Variants in ADGB observed in about 807,000 individuals in gnomAD.
ADGB encodes calpain-7-like protein.
Under a neutral mutation model 210.5 loss-of-function variants are expected in ADGB, and 172 were observed. The observed-to-expected ratio is 0.82, with a 90% CI of 0.72 to 0.93. The LOEUF is 0.93. Among genes scored for constraint, ADGB ranks in the 40% least tolerant of loss-of-function variants. The pLI, the probability that ADGB is intolerant of heterozygous loss-of-function variation, is 0.00. For missense variants in ADGB, 2,025 were observed against 1,964.8 expected, an observed-to-expected ratio of 1.03 and a Z score of -0.58; for synonymous variants, 658 against 662.7, an observed-to-expected ratio of 0.99 and a Z score of 0.11.
intron 26 of ADGB, among the ~76,000 whole-genome samples, chr6:146,747,147 C>A (rs144569548): frequency 1.3e-5 from 2 of 152,054 alleles, no homozygotes; most frequent in Admixed American, 6.5e-5. Flanking sequence ...TAGGACCTAA[C>A]ACAGTGCCTG....
At chr6:146,685,607 C>A (rs889959077) in intron 9 of ADGB, 127 bp from the exon 10 acceptor site, 15 of 466,110 alleles carry the variant, frequency 3.2e-5, no homozygotes, top group Non-Finnish European at 5.3e-5. Context: ...ATTCATTTTG[C>A]ATCCTTTATG....
chr6:146,672,892 A>G (rs1020528163), intron 8 of ADGB, among the ~76,000 whole-genome samples: 1 of 151,720 alleles, frequency 6.6e-6, no homozygotes, highest in Non-Finnish European at 1.5e-5. Context: ...CACCACGCCC[A>G]GCTAATTTTT....
intron 1 of ADGB, among the ~76,000 whole-genome samples, chr6:146,612,737 T>TA (rs765866195): frequency 2.3e-4 from 35 of 151,976 alleles, no homozygotes; most frequent in Non-Finnish European, 3.7e-4. Flanking sequence ...CTGCTCTTTT[T>TA]AAAAAAAGAA....
At chr6:146,638,730 T>A (rs1775464262) in intron 2 of ADGB, 1 of 150,180 alleles carries the variant, frequency 6.7e-6, no homozygotes, top group South Asian at 2.1e-4. Context: ...ATTGTGCACA[T>A]GTACCCTAAA....
intron 1 of ADGB, among the ~76,000 whole-genome samples, chr6:146,628,172 A>ATT (rs147962586): frequency 6.6e-6 from 1 of 151,862 alleles, no homozygotes; most frequent in African/African-American, 2.4e-5. Context: ...TTTGGATAGA[A>ATT]TTTTTTTATT....
rs903165304 is a variant in ADGB, at chr6:146,649,262, C to T, written c.330+4397C>T. The stretch of plus-strand genomic sequence containing the variant: ...ATACGTGGGCATTTTGCTGATAACT[C>T]AGAAGATTTATCCATTTTTATTGAA... On this transcript the variant is annotated intron_variant, in intron 3 of 35. Coordinates refer to ENST00000397944, the MANE Select transcript of ADGB (RefSeq NM_024694.4). Among the ~76,000 whole-genome samples the T allele has an allele frequency of 6.0e-5, 9 of 150,162 alleles. No homozygotes were observed. In the South Asian group the frequency reaches 1.9e-3, roughly 31 times the overall value.
chr6:146,635,332 A>T (rs1178650645), intron 1 of ADGB, 43 bp from the exon 2 acceptor site: 3 of 1,353,220 alleles, frequency 2.2e-6, no homozygotes, highest in Non-Finnish European at 2.9e-6. Flanking sequence ...GATCTCAGAG[A>T]TTTTAATTAA....
chr6:146,694,906 A>G (rs934891382), intron 12 of ADGB, among the ~76,000 whole-genome samples: 1 of 152,194 alleles, frequency 6.6e-6, no homozygotes, highest in Non-Finnish European at 1.5e-5. Flanking sequence ...ATACTGCAAT[A>G]TAATAGAAAT....
In ADGB at chr6:146,721,237, G is replaced by A. The variant is rs140963984; in HGVS notation, c.1993-166G>A. The stretch of plus-strand genomic sequence containing the variant: ...ACAGACGGTTGCCAACATTCACCCA[G>A]TATAGTTTTCTTCATATAATTAGAT... On this transcript the variant is annotated intron_variant, in intron 16 of 35. Coordinates refer to ENST00000397944, the MANE Select transcript of ADGB (RefSeq NM_024694.4). Among the ~76,000 whole-genome samples, 740 of 152,260 alleles carry A rather than the reference G, an allele frequency of 4.9e-3. 7 individuals are homozygous for A. Among genetic ancestry groups the A allele is most frequent in the African/African-American group, 0.017 (710 of 41,550 alleles).
At chr6:146,646,114 T>A (rs1775607197) in intron 3 of ADGB, among the ~76,000 whole-genome samples, 1 of 152,118 alleles carries the variant, frequency 6.6e-6, no homozygotes, top group South Asian at 2.1e-4. Context: ...AAAAAAGTTT[T>A]TTCCCTGAGG....
chr6:146,603,792 A>G (rs1185077541), intron 1 of ADGB, among the ~76,000 whole-genome samples: 2 of 152,224 alleles, frequency 1.3e-5, no homozygotes, highest in African/African-American at 4.8e-5. Context: ...AATACAATGA[A>G]AACAACATAA....
chr6:146,642,188 C>A (rs936691280), intron 2 of ADGB, among the ~76,000 whole-genome samples: 1 of 151,066 alleles, frequency 6.6e-6, no homozygotes, highest in Non-Finnish European at 1.5e-5. Flanking sequence ...TTAGAAATAC[C>A]ATTTCACACC....
intron 2 of ADGB, among the ~76,000 whole-genome samples, chr6:146,640,761 T>A (rs926540708): frequency 2.0e-5 from 3 of 151,990 alleles, no homozygotes; most frequent in African/African-American, 7.3e-5. Context: ...GGATCATACC[T>A]CAAAATAATA....
At chr6:146,607,313 T>G (rs1329634564) in intron 1 of ADGB, among the ~76,000 whole-genome samples, 1 of 152,224 alleles carries the variant, frequency 6.6e-6, no homozygotes, top group African/African-American at 2.4e-5. Context: ...TAGAGTTTAC[T>G]ATGTATAGAC....
At chr6:146,691,748 T>C (rs571973272) in intron 11 of ADGB, among the ~76,000 whole-genome samples, 1 of 151,422 alleles carries the variant, frequency 6.6e-6, no homozygotes, top group African/African-American at 2.4e-5. Context: ...ACCACATATA[T>C]GAAGCTCATT....
chr6:146,815,437 T>G lies in ADGB; in HGVS notation c.*220T>G, dbSNP rs1778377483. 1 of 300,614 alleles carries G rather than the reference T, an allele frequency of 3.3e-6. No individual in the cohort carries two copies. The highest frequency in any genetic ancestry group is 5.9e-6 in the Non-Finnish European group (1 of 168,208). The allele number at this position is 300,614 out of a possible 1,614,324, so 18.6% of individuals were successfully genotyped here. ...TTCAATAAAATAGCTTCCAAATATTTAATAAAATATGTTTGACACTCTAAA... is the reference window on the plus strand; with the variant it reads ...TTCAATAAAATAGCTTCCAAATATTGAATAAAATATGTTTGACACTCTAAA... On this transcript the variant is annotated 3_prime_UTR_variant, in exon 36 of 36. Coordinates refer to ENST00000397944, the MANE Select transcript of ADGB (RefSeq NM_024694.4).
At chr6:146,712,628 AT>A (rs1776675341) in intron 13 of ADGB, among the ~76,000 whole-genome samples, 1 of 151,504 alleles carries the variant, frequency 6.6e-6, no homozygotes, top group Non-Finnish European at 1.5e-5. Flanking sequence ...TTCTCTTCTC[AT>A]TTTCTCTGCT....
At chr6:146,775,205 T>C (rs1015939522) in intron 29 of ADGB, among the ~76,000 whole-genome samples, 3 of 152,172 alleles carry the variant, frequency 2.0e-5, no homozygotes, top group African/African-American at 7.2e-5. Flanking sequence ...GTTGCCCCAC[T>C]TATTTATACT....
chr6:146,791,958 T>A (rs118130421), intron 33 of ADGB, among the ~76,000 whole-genome samples: 2,951 of 145,106 alleles, frequency 0.02, 51 homozygotes, highest in Middle Eastern at 0.044. Flanking sequence ...TTTGTAGAGA[T>A]GCAGTCTTAC....
Sources: gnomAD v4.1 joint callset for allele counts (sites outside exome capture counted in the v4.1 genomes callset) on GRCh38, gnomAD v4.1.1 for gene constraint, MANE v1.5 for transcripts, NCBI Gene and HGNC (gene_info 2026-07-23, HGNC 2026-07-21) for gene names.